The following NCOA7 variants were observed in gnomAD, a reference collection of about 807,000 sequenced individuals.
NCOA7 encodes the protein 140 kDa estrogen receptor-associated protein.
A neutral mutation model predicts 104.3 loss-of-function variants in NCOA7; 45 were observed. That is an observed-to-expected ratio of 0.43 (90% CI 0.34 to 0.55). The LOEUF (loss-of-function observed/expected upper bound fraction) is 0.55. NCOA7 is among the 20% of genes least tolerant of loss of function. The pLI, the probability that NCOA7 is intolerant of heterozygous loss-of-function variation, is 0.02. For synonymous variants in NCOA7, 398 were observed against 402.3 expected (o/e 0.99, Z 0.13); for missense variants, 1,041 against 1,119.7 (o/e 0.93, Z 1.00).
At chr6:125,825,357 C>T (rs975646093) in intron 2 of NCOA7, among the ~76,000 whole-genome samples, 1 of 152,030 alleles carries the variant, frequency 6.6e-6, no homozygotes, top group African/African-American at 2.4e-5. Flanking sequence ...TTTTAAAAAA[C>T]CAAACCACAC....
At chr6:125,837,052 CT>C (rs1252367137) in intron 2 of NCOA7, among the ~76,000 whole-genome samples, 4 of 152,116 alleles carry the variant, frequency 2.6e-5, no homozygotes, top group Non-Finnish European at 4.4e-5. Context: ...TTACATTATT[CT>C]TTAAATTAGA....
At chr6:125,926,679 C>A (rs1238523010) in intron 13 of NCOA7, among the ~76,000 whole-genome samples, 1 of 152,084 alleles carries the variant, frequency 6.6e-6, no homozygotes, top group Non-Finnish European at 1.5e-5. Context: ...CTTAGTGTTA[C>A]AAGTATAGCC....
intron 10 of NCOA7, among the ~76,000 whole-genome samples, chr6:125,898,013 T>C (rs986956724): frequency 1.1e-4 from 16 of 152,210 alleles, no homozygotes; most frequent in African/African-American, 3.9e-4. Flanking sequence ...CATCCATACA[T>C]ACTAAGACCA....
intron 1 of NCOA7, among the ~76,000 whole-genome samples, chr6:125,784,379 CATA>C (rs1159292370): frequency 6.6e-6 from 1 of 152,132 alleles, no homozygotes; most frequent in Non-Finnish European, 1.5e-5. Context: ...AATGTATCAT[CATA>C]ATAAGTTTAT....
intron 4 of NCOA7, among the ~76,000 whole-genome samples, chr6:125,876,994 A>G (rs1783435753): frequency 6.6e-6 from 1 of 152,238 alleles, no homozygotes; most frequent in South Asian, 2.1e-4. Context: ...TTTACTCATA[A>G]CAATATGAAT....
At chr6:125,883,461 T>C (rs763580359) in intron 7 of NCOA7, among the ~76,000 whole-genome samples, 10 of 152,152 alleles carry the variant, frequency 6.6e-5, no homozygotes, top group Non-Finnish European at 1.3e-4. Context: ...CCACAATCCA[T>C]TTTAAAACAT....
At chr6:125,854,960 A>G in intron 2 of NCOA7, 60 bp from the exon 3 acceptor site, 3 of 1,189,686 alleles carry the variant, frequency 2.5e-6, no homozygotes, top group South Asian at 2.9e-5. Context: ...TGAAATTAAT[A>G]TGATTTCTAC....
At chr6:125,875,237 G>A (rs1206076556) in intron 4 of NCOA7, 1 of 320,636 alleles carries the variant, frequency 3.1e-6, no homozygotes, top group Non-Finnish European at 6.1e-6. Context: ...GGCTGATCTG[G>A]CTGACTAGGC....
At chr6:125,802,612 C>T (rs1186364128) in intron 1 of NCOA7, among the ~76,000 whole-genome samples, 1 of 152,170 alleles carries the variant, frequency 6.6e-6, no homozygotes, top group African/African-American at 2.4e-5. Context: ...ACTCTGTGTA[C>T]TAGTGCAAAG....
intron 1 of NCOA7, among the ~76,000 whole-genome samples, chr6:125,798,790 A>C (rs1160223326): frequency 6.6e-6 from 1 of 152,178 alleles, no homozygotes; most frequent in African/African-American, 2.4e-5. Context: ...ATGTATTATA[A>C]TGATAATTAT....
At chr6:125,835,193 A>G (rs2128596751) in intron 2 of NCOA7, among the ~76,000 whole-genome samples, 1 of 152,340 alleles carries the variant, frequency 6.6e-6, no homozygotes, top group African/African-American at 2.4e-5. Context: ...TTAAGATACA[A>G]CAGCTATCCA....
At chr6:125,797,781 C>G (rs146380230) in intron 1 of NCOA7, 2 of 152,220 alleles carry the variant, frequency 1.3e-5, no homozygotes, top group African/African-American at 4.8e-5. Context: ...AGCCCTCATC[C>G]CTAGTTTCCG....
At chr6:125,893,981 G>A (rs1332954260) in intron 10 of NCOA7, among the ~76,000 whole-genome samples, 1 of 152,182 alleles carries the variant, frequency 6.6e-6, no homozygotes, top group Non-Finnish European at 1.5e-5. Flanking sequence ...TAATAGTGGT[G>A]TGCTGGGGAG....
At chr6:125,888,439 T>G (rs1784404736) in intron 8 of NCOA7, among the ~76,000 whole-genome samples, 1 of 152,136 alleles carries the variant, frequency 6.6e-6, no homozygotes, top group Admixed American at 6.6e-5. Context: ...GTCAGTGACT[T>G]TATATGGAGC....
At chr6:125,830,121 G>T (rs988681663) in intron 2 of NCOA7, among the ~76,000 whole-genome samples, 1 of 152,080 alleles carries the variant, frequency 6.6e-6, no homozygotes, top group Non-Finnish European at 1.5e-5. Context: ...GAGGGAAGTT[G>T]TTTTTAAATT....
Position 125,865,000 on chromosome 6 carries a change from A to T in NCOA7, c.271+9760A>T, listed in dbSNP as rs762174145. Among the ~76,000 whole-genome samples, 32 of 138,350 alleles carry T rather than the reference A, an allele frequency of 2.3e-4. 5 individuals carry two copies. The highest frequency in any genetic ancestry group is 3.4e-4 in the Non-Finnish European group (22 of 64,978). 90.8% of individuals were successfully genotyped at this position (138,350 alleles called of 152,430 possible). A position where few individuals can be genotyped will look rare whatever the true frequency, so the allele number is the denominator to read the frequency against. ...GAGGGTAAGAAGAGGAGGAGAAGCA[A>T]CATCAGACACGAGGAAGAGCAGAAA... On this transcript the variant is annotated intron_variant, in intron 3 of 15. Transcript: ENST00000392477.
At chr6:125,814,576 T>G (rs574118179) in intron 1 of NCOA7, among the ~76,000 whole-genome samples, 2 of 152,144 alleles carry the variant, frequency 1.3e-5, no homozygotes, top group Admixed American at 6.5e-5. Flanking sequence ...AAGTAGACAA[T>G]TGGAAATTTT....
At chr6:125,910,502 G>A (rs1786435615) in intron 10 of NCOA7, among the ~76,000 whole-genome samples, 1 of 152,130 alleles carries the variant, frequency 6.6e-6, no homozygotes, top group Non-Finnish European at 1.5e-5. Flanking sequence ...AAACCTCTCT[G>A]GAGTGATGAT....
intron 10 of NCOA7, 99 bp from the exon 11 acceptor site, chr6:125,915,234 G>T (rs1283074624): frequency 1.4e-6 from 2 of 1,417,078 alleles, no homozygotes; most frequent in African/African-American, 2.8e-5. Flanking sequence ...AAATGGATTT[G>T]CCAAGCAGGG....
Sources: allele counts gnomAD v4.1 joint callset (sites outside exome capture counted in the v4.1 genomes callset), GRCh38; gene constraint gnomAD v4.1.1; transcripts MANE v1.5; gene names NCBI Gene and HGNC (gene_info 2026-07-23, HGNC 2026-07-21).